CDH12: variants seen among roughly 807,000 people sequenced by gnomAD.
The protein encoded by CDH12 is cadherin 12, also known as cadherin-12.
In CDH12, 41 loss-of-function variants were observed where a neutral mutation model predicts 74.1. That is an observed-to-expected ratio of 0.55 (90% CI 0.43 to 0.72). The LOEUF is 0.72. Among genes scored for constraint, CDH12 ranks in the 30% least tolerant of loss-of-function variants. The pLI is 0.00. For synonymous variants in CDH12, 399 were observed against 355.0 expected, an observed-to-expected ratio of 1.12 and a Z score of -1.39; for missense variants, 945 against 977.2, an observed-to-expected ratio of 0.97 and a Z score of 0.44.
At chr5:22,639,575 C>T (rs1739034286) in intron 1 of CDH12, among the ~76,000 whole-genome samples, 1 of 151,910 alleles carries the variant, frequency 6.6e-6, no homozygotes, top group Non-Finnish European at 1.5e-5. Context: ...GACCCAGACT[C>T]TTGGTTGGGC....
At chr5:22,052,365 T>G (rs373328700) in intron 5 of CDH12, among the ~76,000 whole-genome samples, 4 of 152,266 alleles carry the variant, frequency 2.6e-5, no homozygotes. Flanking sequence ...TGTGATTATC[T>G]TCTCCTTTCA....
At chr5:22,592,049 A>G (rs899268159) in intron 1 of CDH12, among the ~76,000 whole-genome samples, 6 of 152,188 alleles carry the variant, frequency 3.9e-5, no homozygotes, top group Non-Finnish European at 8.8e-5. Context: ...TCATGCAGTC[A>G]ATATAAACCT....
intron 1 of CDH12, among the ~76,000 whole-genome samples, chr5:22,658,401 T>A (rs144686883): frequency 9.9e-5 from 15 of 152,168 alleles, no homozygotes; most frequent in African/African-American, 3.6e-4. Flanking sequence ...ATAATTCTAA[T>A]GTATAAAGGT....
chr5:22,567,599 T>C (rs1188473130), intron 1 of CDH12, among the ~76,000 whole-genome samples: 1 of 151,900 alleles, frequency 6.6e-6, no homozygotes, highest in African/African-American at 2.4e-5. Flanking sequence ...GACAATAATT[T>C]TTTTCTGCTC....
At chr5:22,389,502 C>G (rs1028763047) in intron 3 of CDH12, among the ~76,000 whole-genome samples, 2 of 151,882 alleles carry the variant, frequency 1.3e-5, no homozygotes, top group Admixed American at 6.6e-5. Flanking sequence ...TATTATTTTA[C>G]TTAGGTAAAA....
At chr5:22,238,995 A>C (rs1441478913) in intron 3 of CDH12, among the ~76,000 whole-genome samples, 2 of 152,212 alleles carry the variant, frequency 1.3e-5, no homozygotes, top group African/African-American at 4.8e-5. Flanking sequence ...ATCTCTTTAG[A>C]GAGTATCATT....
chr5:22,400,052 G>T (rs1389865214), intron 3 of CDH12, among the ~76,000 whole-genome samples: 1 of 152,078 alleles, frequency 6.6e-6, no homozygotes, highest in Admixed American at 6.6e-5. Flanking sequence ...CCTAACCAGA[G>T]AGCTTCTTTT....
At chr5:22,604,869 C>G (rs1349559156) in intron 1 of CDH12, among the ~76,000 whole-genome samples, 2 of 152,152 alleles carry the variant, frequency 1.3e-5, no homozygotes, top group Non-Finnish European at 2.9e-5. Flanking sequence ...ATGAAATACT[C>G]CCACATCCAA....
chr5:22,805,410 TA>T (rs941982784), intron 1 of CDH12, among the ~76,000 whole-genome samples: 8 of 151,970 alleles, frequency 5.3e-5, no homozygotes, highest in South Asian at 2.1e-4. Context: ...CTCAAGGAAT[TA>T]AAAAAATAAG....
chr5:22,524,313 A>T (rs928141066), intron 1 of CDH12, among the ~76,000 whole-genome samples: 3 of 151,900 alleles, frequency 2.0e-5, no homozygotes, highest in Non-Finnish European at 1.5e-5. Context: ...TCATTTAAAA[A>T]TTTTTCTGTC....
intron 6 of CDH12, among the ~76,000 whole-genome samples, chr5:21,939,983 G>A (rs775549866): frequency 2.0e-5 from 3 of 152,214 alleles, no homozygotes; most frequent in Admixed American, 6.5e-5. Flanking sequence ...CACTTTGGGA[G>A]GCCACAGTGA....
chr5:22,772,986 T>C (rs1323452608), intron 1 of CDH12, among the ~76,000 whole-genome samples: 1 of 152,022 alleles, frequency 6.6e-6, no homozygotes, highest in Admixed American at 6.6e-5. Context: ...TACGAAACAC[T>C]GTTGAAAGTA....
At chr5:22,356,513 C>T (rs1004184869) in intron 3 of CDH12, among the ~76,000 whole-genome samples, 2 of 152,134 alleles carry the variant, frequency 1.3e-5, no homozygotes, top group Admixed American at 1.3e-4. Context: ...TTCAGGTGGG[C>T]CTCCACAATT....
At chr5:22,836,012 G>T (rs776462025) in intron 1 of CDH12, among the ~76,000 whole-genome samples, 1 of 152,102 alleles carries the variant, frequency 6.6e-6, no homozygotes, top group Non-Finnish European at 1.5e-5. Context: ...CTGAGCTATT[G>T]TTCAACTGTA....
intron 3 of CDH12, among the ~76,000 whole-genome samples, chr5:22,312,020 A>G (rs1365371760): frequency 6.6e-6 from 1 of 152,190 alleles, no homozygotes; most frequent in African/African-American, 2.4e-5. Flanking sequence ...GGAAGCTAAA[A>G]ATAATAAATA....
intron 1 of CDH12, among the ~76,000 whole-genome samples, chr5:22,760,772 T>C (rs1296651858): frequency 6.6e-6 from 1 of 151,698 alleles, no homozygotes; most frequent in Non-Finnish European, 1.5e-5. Context: ...AGAAGAAGAT[T>C]ATATTTTCAA....
At chr5:22,778,994 C>A (rs1050994212) in intron 1 of CDH12, among the ~76,000 whole-genome samples, 9 of 152,086 alleles carry the variant, frequency 5.9e-5, no homozygotes, top group Middle Eastern at 6.9e-3. Context: ...TCCAGAATTT[C>A]TCTTCACTAA....
At chr5:22,348,051 A>G (rs1740191439) in intron 3 of CDH12, among the ~76,000 whole-genome samples, 1 of 152,152 alleles carries the variant, frequency 6.6e-6, no homozygotes. Flanking sequence ...AGAGAACCTC[A>G]TTGTGAAGGG....
chr5:22,034,999 T>G (rs566180159), intron 5 of CDH12, among the ~76,000 whole-genome samples: 18 of 152,298 alleles, frequency 1.2e-4, no homozygotes, highest in African/African-American at 4.3e-4. Context: ...ATCAACGTTA[T>G]AATGAAATAA....
Sources: gnomAD v4.1 joint callset for allele counts (sites outside exome capture counted in the v4.1 genomes callset) on GRCh38, gnomAD v4.1.1 for gene constraint, MANE v1.5 for transcripts, NCBI Gene and HGNC (gene_info 2026-07-23, HGNC 2026-07-21) for gene names.